SPATA31H1: variants seen among roughly 807,000 people sequenced by gnomAD.
SPATA31H1 encodes SPATA31 subfamily H member 1, also known as spermatogenesis-associated protein 31H1.
the SPATA31H1 span, among the ~76,000 whole-genome samples, chr2:27,553,327 C>T: frequency 6.6e-6 from 1 of 152,062 alleles, no homozygotes; most frequent in Non-Finnish European, 1.5e-5. Context: ...AGAAGACCAA[C>T]AGCCTTCTCT....
the SPATA31H1 span, chr2:27,567,257 C>T: frequency 1.6e-6 from 1 of 611,504 alleles, no homozygotes; most frequent in East Asian, 2.7e-5. Context: ...CATTCAAGCT[C>T]TCTCCTTCAG....
At chr2:27,545,579 CTT>C in the SPATA31H1 span, among the ~76,000 whole-genome samples, 4 of 141,272 alleles carry the variant, frequency 2.8e-5, no homozygotes, top group Non-Finnish European at 1.5e-5. Context: ...TTTCCTTTTT[CTT>C]TTTTTTTTTT....
At chr2:27,581,044 A>G in the SPATA31H1 span, 9 of 1,614,198 alleles carry the variant, frequency 5.6e-6, no homozygotes, top group Non-Finnish European at 7.6e-6. Context: ...AAAAACTTCT[A>G]TAGAAATGAA....
the SPATA31H1 span, chr2:27,580,524 T>C: frequency 6.2e-7 from 1 of 1,614,188 alleles, no homozygotes; most frequent in South Asian, 1.1e-5. Flanking sequence ...TTCTAGGGAA[T>C]TAGCAGCCCA....
chr2:27,548,872 A>C, the SPATA31H1 span, among the ~76,000 whole-genome samples: 1 of 151,668 alleles, frequency 6.6e-6, no homozygotes, highest in Non-Finnish European at 1.5e-5. Context: ...CAGGAGTTCA[A>C]GACCAGCCTG....
At chr2:27,552,817 C>G in the SPATA31H1 span, among the ~76,000 whole-genome samples, 1 of 151,936 alleles carries the variant, frequency 6.6e-6, no homozygotes, top group Non-Finnish European at 1.5e-5. Flanking sequence ...TAAATTTATT[C>G]CTGAGTATTT....
the SPATA31H1 span, chr2:27,581,488 G>A: frequency 8.7e-6 from 14 of 1,611,946 alleles, no homozygotes; most frequent in African/African-American, 2.7e-5. Context: ...AGGAGCCATC[G>A]CGGTCCCTCT....
chr2:27,580,980 T>C, the SPATA31H1 span: 56 of 1,613,984 alleles, frequency 3.5e-5, no homozygotes, highest in Non-Finnish European at 4.6e-5. Context: ...CCAAACTGCC[T>C]CAGTGGGGCA....
At chr2:27,572,106 C>A in the SPATA31H1 span, 5 of 398,294 alleles carry the variant, frequency 1.3e-5, no homozygotes, top group Non-Finnish European at 2.2e-5. Context: ...GTCTGACCTA[C>A]AGTCGAAAGG....
chr2:27,580,268 C>A, the SPATA31H1 span: 1 of 1,614,182 alleles, frequency 6.2e-7, no homozygotes, highest in Non-Finnish European at 8.5e-7. Flanking sequence ...AAGTCTACAT[C>A]AGGCGAGGAC....
At chr2:27,577,842 ACAAGT>A in the SPATA31H1 span, 1 of 1,614,182 alleles carries the variant, frequency 6.2e-7, no homozygotes, top group South Asian at 1.1e-5. The surrounding 1 kb of genome is among the most constrained non-coding windows in gnomAD (Gnocchi z 4.5). Flanking sequence ...CCTGAAGCAA[ACAAGT>A]CAAGTTATAG....
chr2:27,570,804 T>C, the SPATA31H1 span: 12 of 398,696 alleles, frequency 3.0e-5, no homozygotes, highest in South Asian at 2.5e-4. Flanking sequence ...AGGTGTAAAA[T>C]ATGTAGCAGG....
At chr2:27,569,769 C>T in the SPATA31H1 span, 41 of 398,880 alleles carry the variant, frequency 1.0e-4, no homozygotes, top group Middle Eastern at 6.3e-4. Flanking sequence ...AGAGCTCCAA[C>T]GTGTAAAATC....
the SPATA31H1 span, among the ~76,000 whole-genome samples, chr2:27,549,205 A>C: frequency 6.6e-6 from 1 of 151,910 alleles, no homozygotes; most frequent in African/African-American, 2.4e-5. Flanking sequence ...TAAATGGGGA[A>C]GTTGGATCTA....
the SPATA31H1 span, chr2:27,578,088 G>A: frequency 1.2e-6 from 2 of 1,613,996 alleles, no homozygotes; most frequent in East Asian, 2.2e-5. Context: ...CCTCATAGAT[G>A]TCCCAAAAGT....
the SPATA31H1 span, among the ~76,000 whole-genome samples, chr2:27,556,692 ATT>A: frequency 5.3e-5 from 7 of 131,202 alleles, no homozygotes; most frequent in South Asian, 6.8e-4. Context: ...AAGGGCATAT[ATT>A]TTTTTTTTTT....
chr2:27,571,705 A>G, the SPATA31H1 span: 1 of 398,410 alleles, frequency 2.5e-6, no homozygotes, highest in East Asian at 3.6e-5. Flanking sequence ...CAAATGCAAG[A>G]TATGAAATTT....
chr2:27,550,483 A>G, the SPATA31H1 span, among the ~76,000 whole-genome samples: 2 of 145,640 alleles, frequency 1.4e-5, no homozygotes, highest in South Asian at 2.2e-4. Flanking sequence ...CAGTGGTGCA[A>G]TCTCTGCTCA....
the SPATA31H1 span, chr2:27,574,940 C>A: frequency 2.5e-6 from 1 of 398,492 alleles, no homozygotes; most frequent in South Asian, 1.3e-4. Flanking sequence ...AATCTGTGCT[C>A]ATGCCTAGGC....
Sources: gnomAD v4.1 joint callset for allele counts (sites outside exome capture counted in the v4.1 genomes callset) on GRCh38, gnomAD v4.1.1 for gene constraint, Gnocchi (gnomAD v3.1) non-coding constraint, MANE v1.5 for transcripts, NCBI Gene and HGNC (gene_info 2026-07-23, HGNC 2026-07-21) for gene names.